The following OTUD7A variants were observed in gnomAD, a reference collection of about 807,000 sequenced individuals.
OTUD7A encodes the protein OTU deubiquitinase 7A.
In OTUD7A, 12 loss-of-function variants were observed where a neutral mutation model predicts 65.7. That is an observed-to-expected ratio of 0.18 (90% CI 0.12 to 0.30). The LOEUF (loss-of-function observed/expected upper bound fraction) is 0.30. Ranked by LOEUF, OTUD7A falls within the 10% of genes least tolerant of loss-of-function variation. The probability of loss-of-function intolerance (pLI) is 1.00; values close to 1 mark genes in which losing one functional copy is unlikely to be tolerated. For synonymous variants in OTUD7A, 641 were observed against 586.3 expected, an observed-to-expected ratio of 1.09 and a Z score of -1.35; for missense variants, 1,148 against 1,304.8, an observed-to-expected ratio of 0.88 and a Z score of 1.85.
At chr15:31,660,097 C>T (rs186551841) in intron 1 of OTUD7A, among the ~76,000 whole-genome samples, 76 of 152,396 alleles carry the variant, frequency 5.0e-4, no homozygotes, top group Non-Finnish European at 9.7e-4. Flanking sequence ...GGCAAATGTA[C>T]TGTTCTGGTA....
At chr15:31,546,509 G>C (rs564102768) in intron 5 of OTUD7A, among the ~76,000 whole-genome samples, 1 of 152,254 alleles carries the variant, frequency 6.6e-6, no homozygotes, top group Non-Finnish European at 1.5e-5. Flanking sequence ...CCCACCCCAA[G>C]GCATGCACTG....
chr15:31,574,405 T>C (rs1307337812), intron 3 of OTUD7A, among the ~76,000 whole-genome samples: 2 of 152,128 alleles, frequency 1.3e-5, no homozygotes, highest in Non-Finnish European at 2.9e-5. Context: ...ACATTATCTC[T>C]AAAAAGAAAG....
chr15:31,618,620 G>C (rs1178776318), intron 3 of OTUD7A, among the ~76,000 whole-genome samples: 3 of 151,976 alleles, frequency 2.0e-5, no homozygotes, highest in Non-Finnish European at 4.4e-5. Context: ...ACTTGTTGAT[G>C]GGGTTGTTTT....
intron 1 of OTUD7A, among the ~76,000 whole-genome samples, chr15:31,829,778 A>C (rs1416050693): frequency 6.6e-6 from 1 of 152,214 alleles, no homozygotes. Flanking sequence ...GAATCTAAGC[A>C]GACTCACAGA....
At chr15:31,507,144 G>T (rs2141089351) in intron 8 of OTUD7A, among the ~76,000 whole-genome samples, 1 of 152,246 alleles carries the variant, frequency 6.6e-6, no homozygotes, top group East Asian at 1.9e-4. Flanking sequence ...TAGAACTTAG[G>T]CTACTGAAGA....
At chr15:31,803,046 A>C (rs761299384) in intron 1 of OTUD7A, among the ~76,000 whole-genome samples, 3 of 152,208 alleles carry the variant, frequency 2.0e-5, no homozygotes, top group Non-Finnish European at 4.4e-5. Flanking sequence ...CTGTCTGTCG[A>C]CTTTTGTGGG....
chr15:31,536,661 TAACAAG>T (rs148121119), intron 5 of OTUD7A, among the ~76,000 whole-genome samples: 4,796 of 152,288 alleles, frequency 0.031, 239 homozygotes, highest in African/African-American at 0.11. Context: ...ATTCAGCTAT[TAACAAG>T]AATGATGTCA....
intron 1 of OTUD7A, among the ~76,000 whole-genome samples, chr15:31,793,191 T>G (rs1895864846): frequency 1.3e-5 from 2 of 152,144 alleles, no homozygotes; most frequent in African/African-American, 4.8e-5. Flanking sequence ...GCGGCAGAAC[T>G]TGCTCTTCCT....
chr15:31,519,118 C>CTG (rs56265620), intron 8 of OTUD7A, among the ~76,000 whole-genome samples: 54,196 of 151,032 alleles, frequency 0.36, 9,706 homozygotes, highest in Middle Eastern at 0.41. Flanking sequence ...TAGCACTGTG[C>CTG]TGTGTGTGTG....
intron 1 of OTUD7A, among the ~76,000 whole-genome samples, chr15:31,860,769 A>G (rs913501710): frequency 1.4e-4 from 20 of 145,262 alleles, no homozygotes; most frequent in African/African-American, 5.1e-4. Flanking sequence ...GCAGTGGTGC[A>G]ATCTCGGCTC....
chr15:31,688,100 C>T (rs1892879647), intron 1 of OTUD7A, among the ~76,000 whole-genome samples: 1 of 151,846 alleles, frequency 6.6e-6, no homozygotes, highest in Admixed American at 6.6e-5. Flanking sequence ...CCTGTAGTCC[C>T]AGCTACTCGG....
rs187477368 is a variant in OTUD7A, at chr15:31,803,802, G to T, written c.-100+66705C>A. Among the ~76,000 whole-genome samples the T allele has an allele frequency of 1.2e-4, 18 of 152,324 alleles. No homozygotes were observed. In the Middle Eastern group the frequency reaches 0.017, roughly 144 times the overall value. Reference sequence around the variant, plus strand: ...TCCAGAGCAAACAAACAGCCCTGGTGGGGTAGGGGACAAGGTGAAAAGCCA... The same window carrying T: ...TCCAGAGCAAACAAACAGCCCTGGTTGGGTAGGGGACAAGGTGAAAAGCCA... On this transcript the variant is annotated intron_variant, in intron 1 of 12. Coordinates refer to ENST00000307050, the MANE Select transcript of OTUD7A (RefSeq NM_001382637.1).
intron 1 of OTUD7A, among the ~76,000 whole-genome samples, chr15:31,722,305 T>A (rs1893761810): frequency 6.6e-6 from 1 of 152,154 alleles, no homozygotes; most frequent in African/African-American, 2.4e-5. Flanking sequence ...ACAGCTCCCA[T>A]CTAGAGAAAA....
rs1177555550 is a variant in OTUD7A, at chr15:31,476,644, G to C, written c.*6650C>G. The C allele has an allele frequency of 2.0e-5, 3 of 152,288 alleles. No individual in the cohort carries two copies. The highest frequency in any genetic ancestry group is 4.4e-5 in the Non-Finnish European group (3 of 68,078). 9.4% of individuals were successfully genotyped at this position (152,288 alleles called of 1,614,324 possible). A position where few individuals can be genotyped will look rare whatever the true frequency, so the allele number is the denominator to read the frequency against. ...GGGCCCACTCACTGCTGGCTGGACA[G>C]CTGCAGAGAGGGCATCACGATGGAG... is the stretch of plus-strand genomic sequence containing the variant. On this transcript the variant is annotated 3_prime_UTR_variant, in exon 13 of 13. Transcript: ENST00000307050.
intron 1 of OTUD7A, among the ~76,000 whole-genome samples, chr15:31,862,987 A>G (rs1897783896): frequency 6.6e-6 from 1 of 152,196 alleles, no homozygotes; most frequent in African/African-American, 2.4e-5. Flanking sequence ...GCCATTCCAA[A>G]TGGGAGAAAT....
chr15:31,532,686 G>C (rs1045170353), intron 5 of OTUD7A, among the ~76,000 whole-genome samples: 2 of 152,150 alleles, frequency 1.3e-5, no homozygotes, highest in Non-Finnish European at 1.5e-5. Flanking sequence ...CCAGCACTTT[G>C]GGAGGCTGAG....
At chr15:31,761,701 T>C (rs1156901035) in intron 1 of OTUD7A, among the ~76,000 whole-genome samples, 2 of 152,216 alleles carry the variant, frequency 1.3e-5, no homozygotes, top group African/African-American at 2.4e-5. Flanking sequence ...AAAACATATC[T>C]GTATATGAAT....
chr15:31,708,857 C>T (rs928406777), intron 1 of OTUD7A, among the ~76,000 whole-genome samples: 91 of 150,964 alleles, frequency 6.0e-4, no homozygotes, highest in African/African-American at 2.0e-3. Flanking sequence ...GGGACTCTGA[C>T]GGGGAGGAAG....
chr15:31,510,000 C>CT (rs1375276842), intron 8 of OTUD7A, among the ~76,000 whole-genome samples: 28 of 133,772 alleles, frequency 2.1e-4, no homozygotes, highest in East Asian at 6.4e-4. Context: ...TTTTTGTTTC[C>CT]TTTTTTTTTC....
Sources: gnomAD v4.1 joint callset for allele counts (sites outside exome capture counted in the v4.1 genomes callset) on GRCh38, gnomAD v4.1.1 for gene constraint, MANE v1.5 for transcripts, NCBI Gene and HGNC (gene_info 2026-07-23, HGNC 2026-07-21) for gene names.